Variants in SSBP2 observed in about 807,000 individuals in gnomAD.
SSBP2 encodes the protein single-stranded DNA-binding protein 2.
SSBP2 carries 17 observed loss-of-function variants against 61.8 expected under a neutral mutation model. The ratio of observed to expected loss-of-function variants is 0.28; its 90% CI spans 0.19 to 0.41. SSBP2 has a LOEUF of 0.41. Among genes scored for constraint, SSBP2 ranks in the 10% least tolerant of loss-of-function variants. The pLI, the probability that SSBP2 is intolerant of heterozygous loss-of-function variation, is 1.00. For missense variants in SSBP2, 310 were observed against 458.7 expected (o/e 0.68, Z 2.96); for synonymous variants, 139 against 141.3 (o/e 0.98, Z 0.12).
intron 4 of SSBP2, among the ~76,000 whole-genome samples, chr5:81,516,851 G>T (rs1372893214): frequency 6.6e-6 from 1 of 151,980 alleles, no homozygotes; most frequent in Non-Finnish European, 1.5e-5. Flanking sequence ...CATTTCTTCG[G>T]ATATGTTGCT....
intron 3 of SSBP2, among the ~76,000 whole-genome samples, chr5:81,634,056 T>A (rs1408105272): frequency 6.6e-6 from 1 of 152,184 alleles, no homozygotes; most frequent in African/African-American, 2.4e-5. Context: ...AGGGCACTCT[T>A]AAGATTTAAC....
chr5:81,492,176 C>T (rs1376529896), intron 5 of SSBP2, among the ~76,000 whole-genome samples: 1 of 152,114 alleles, frequency 6.6e-6, no homozygotes, highest in East Asian at 1.9e-4. Flanking sequence ...GTCAGTATTC[C>T]CTGCTTTAGC....
intron 11 of SSBP2, 25 bp from the exon 12 acceptor site, chr5:81,446,947 TA>T: frequency 6.4e-7 from 1 of 1,567,686 alleles, no homozygotes; most frequent in South Asian, 1.2e-5. Context: ...AAAATTTCAG[TA>T]AAAATAAGGC....
At chr5:81,590,705 T>C (rs966638296) in intron 4 of SSBP2, among the ~76,000 whole-genome samples, 7 of 152,162 alleles carry the variant, frequency 4.6e-5, no homozygotes, top group Admixed American at 1.3e-4. Context: ...AATAGCTACT[T>C]TGAGAAAAGT....
At chr5:81,727,807 C>T (rs1755992673) in intron 1 of SSBP2, among the ~76,000 whole-genome samples, 1 of 152,150 alleles carries the variant, frequency 6.6e-6, no homozygotes, top group African/African-American at 2.4e-5. Context: ...AACATGGTCC[C>T]TGCACTCATG....
At chr5:81,443,859 G>A (rs1408317069) in intron 12 of SSBP2, among the ~76,000 whole-genome samples, 4 of 152,194 alleles carry the variant, frequency 2.6e-5, no homozygotes, top group South Asian at 2.1e-4. Flanking sequence ...ACCGCGCCCC[G>A]CCAGTAGGCC....
At chr5:81,687,317 G>C (rs1752894116) in intron 1 of SSBP2, among the ~76,000 whole-genome samples, 1 of 152,214 alleles carries the variant, frequency 6.6e-6, no homozygotes, top group Non-Finnish European at 1.5e-5. Flanking sequence ...CCTAGCCAGA[G>C]GGGAATCCCC....
At chr5:81,717,792 T>C (rs558047599) in intron 1 of SSBP2, among the ~76,000 whole-genome samples, 1 of 152,318 alleles carries the variant, frequency 6.6e-6, no homozygotes, top group Admixed American at 6.5e-5. Flanking sequence ...CTCTTTTTCA[T>C]TCTACATATT....
chr5:81,441,628 T>C (rs565683510), intron 13 of SSBP2, among the ~76,000 whole-genome samples: 2 of 152,306 alleles, frequency 1.3e-5, no homozygotes, highest in East Asian at 3.9e-4. Context: ...CAGGCAAACC[T>C]GTACTTCACC....
chr5:81,579,642 G>A (rs1326174188), intron 4 of SSBP2, among the ~76,000 whole-genome samples: 1 of 152,054 alleles, frequency 6.6e-6, no homozygotes, highest in Non-Finnish European at 1.5e-5. Context: ...TGAAAGCTAC[G>A]GTTTCTACTG....
At chr5:81,521,516 C>T (rs1005400387) in intron 4 of SSBP2, among the ~76,000 whole-genome samples, 5 of 119,398 alleles carry the variant, frequency 4.2e-5, no homozygotes, top group African/African-American at 2.3e-4. Context: ...TGATGACACT[C>T]ATCAAACTAT....
intron 5 of SSBP2, among the ~76,000 whole-genome samples, chr5:81,501,252 TATATATATATATATATACAC>T (rs1319750628): frequency 0.011 from 595 of 55,922 alleles, 76 homozygotes; most frequent in African/African-American, 0.058. Context: ...TATATATATA[TATATATATATATATATACAC>T]ACACACACAC....
rs772426668 is a variant in SSBP2 at position 81,420,569 on chromosome 5, T to A, written c.1057-36A>T. 4 of 1,581,648 alleles carry A rather than the reference T, an allele frequency of 2.5e-6. No individual in the cohort carries two copies. The South Asian group carries it at 4.4e-5, about 18-fold the overall frequency. ...AGAAGAATCCATATTTTAACAACAA[T>A]TCTTTTAGAGATCACTAAGGTTCTT... On this transcript the variant is annotated intron_variant, in intron 16 of 16. Coordinates refer to ENST00000320672, the MANE Select transcript of SSBP2 (RefSeq NM_012446.5).
intron 10 of SSBP2, among the ~76,000 whole-genome samples, chr5:81,453,704 C>T (rs1157003355): frequency 6.6e-6 from 1 of 152,134 alleles, no homozygotes; most frequent in Non-Finnish European, 1.5e-5. Context: ...GATCCGCCTG[C>T]CTCGGCCTCC....
intron 6 of SSBP2, among the ~76,000 whole-genome samples, chr5:81,485,481 A>C (rs1766312849): frequency 6.6e-6 from 1 of 152,190 alleles, no homozygotes. Context: ...ATTAGTAATT[A>C]CAAATTGAGT....
rs145949607 is a variant in SSBP2 at position 81,746,977 on chromosome 5, C to T, written c.62+4004G>A. On this transcript the variant is annotated intron_variant, in intron 1 of 16. Coordinates refer to ENST00000320672, the MANE Select transcript of SSBP2 (RefSeq NM_012446.5). ...CAACATTTCATATAGGAATTGTTCA[C>T]AACTATTATGTTTAACTTTAAAACA... is the stretch of plus-strand genomic sequence containing the variant. Among the ~76,000 whole-genome samples, 167 of 135,798 alleles carry T rather than the reference C, an allele frequency of 1.2e-3. 1 individual carries two copies. The highest frequency in any genetic ancestry group is 5.1e-3 in the Middle Eastern group (1 of 198). 89.1% of individuals were successfully genotyped at this position (135,798 alleles called of 152,430 possible).
chr5:81,656,690 T>C (rs1327309809), intron 1 of SSBP2, among the ~76,000 whole-genome samples: 2 of 145,228 alleles, frequency 1.4e-5, no homozygotes, highest in Non-Finnish European at 3.0e-5. Flanking sequence ...GAAATTCAAA[T>C]AGGAAGAATG....
At chr5:81,483,515 A>G (rs1478106793) in intron 6 of SSBP2, among the ~76,000 whole-genome samples, 2 of 152,144 alleles carry the variant, frequency 1.3e-5, no homozygotes, top group Non-Finnish European at 2.9e-5. Flanking sequence ...GAACTAGAAG[A>G]GCCTTTAGAA....
At chr5:81,433,632 T>G (rs1762485572) in intron 15 of SSBP2, among the ~76,000 whole-genome samples, 1 of 151,746 alleles carries the variant, frequency 6.6e-6, no homozygotes, top group Non-Finnish European at 1.5e-5. Flanking sequence ...ACCATATACT[T>G]CTCTCTACCC....
Sources: gnomAD v4.1 joint callset for allele counts (sites outside exome capture counted in the v4.1 genomes callset) on GRCh38, gnomAD v4.1.1 for gene constraint, MANE v1.5 for transcripts, NCBI Gene and HGNC (gene_info 2026-07-23, HGNC 2026-07-21) for gene names.